PTCD3: variants seen among roughly 807,000 people sequenced by gnomAD.
The protein encoded by PTCD3 is small ribosomal subunit protein mS39.
A neutral mutation model predicts 101.9 loss-of-function variants in PTCD3; 89 were observed. The observed-to-expected ratio is 0.87, with a 90% CI of 0.74 to 1.04. The LOEUF is 1.04. PTCD3 is among the 50% of genes least tolerant of loss of function. The pLI is 0.00. For missense variants in PTCD3, 870 were observed against 828.2 expected, an observed-to-expected ratio of 1.05 and a Z score of -0.62; for synonymous variants, 296 against 278.5, an observed-to-expected ratio of 1.06 and a Z score of -0.63.
chr2:86,136,829 C>T, intron 22 of PTCD3, 153 bp from the exon 23 acceptor site: 2 of 1,062,436 alleles, frequency 1.9e-6, no homozygotes, highest in South Asian at 1.5e-5. Context: ...ACTTTCTAAC[C>T]TCACTGGAAA....
chr2:86,131,162 G>A (rs756423862), intron 16 of PTCD3, 56 bp downstream of exon 16: 4 of 1,355,662 alleles, frequency 3.0e-6, no homozygotes, highest in Admixed American at 2.0e-5. Context: ...ATCTGTAACT[G>A]GAGGGTTCTC....
intron 7 of PTCD3, chr2:86,119,651 C>T (rs1338116483): frequency 6.6e-6 from 1 of 152,380 alleles, no homozygotes; most frequent in Admixed American, 6.5e-5. Flanking sequence ...CCACCGCGCC[C>T]AGCTTTCCTA....
intron 19 of PTCD3, among the ~76,000 whole-genome samples, chr2:86,133,648 G>A (rs1376047829): frequency 2.0e-5 from 3 of 152,198 alleles, no homozygotes; most frequent in Non-Finnish European, 2.9e-5. Context: ...CAGTCCCTTC[G>A]TGACATAGGA....
intron 1 of PTCD3, chr2:86,107,124 T>G (rs1336065565): frequency 4.2e-6 from 2 of 471,062 alleles, no homozygotes; most frequent in Non-Finnish European, 8.8e-6. Context: ...TTAGTTCCCC[T>G]CAAGAAAGAG....
At position 86,123,733 on chromosome 2, in the gene PTCD3, A is replaced by C; in HGVS notation, c.687A>C (p.Lys229Asn). 2 of 1,601,640 alleles carry C rather than the reference A, an allele frequency of 1.2e-6. No homozygotes were observed. Among genetic ancestry groups the C allele is most frequent in the Non-Finnish European group, 1.7e-6 (2 of 1,175,602 alleles). Reference protein sequence around the residue: ...EEENDETSRRKAGHQFGVTWR... With the variant: ...EEENDETSRRNAGHQFGVTWR... Reference sequence around the variant, plus strand: ...AAAATGATGAGACATCTAGGAGGAAAGCTGGTCATCAGTTTGGAGTTACAT... The same window carrying C: ...AAAATGATGAGACATCTAGGAGGAACGCTGGTCATCAGTTTGGAGTTACAT... The change falls in exon 9 of 24, where the codon AAA becomes AAC. Residue 229 changes from lysine to asparagine, a missense_variant. Transcript: ENST00000254630.
intron 14 of PTCD3, among the ~76,000 whole-genome samples, chr2:86,128,825 T>C (rs770097172): frequency 1.6e-4 from 24 of 152,224 alleles, no homozygotes; most frequent in Non-Finnish European, 3.4e-4. Flanking sequence ...ACCTGAGGAA[T>C]AGCAGCAGGG....
chr2:86,112,046 T>TC (rs1229840394), intron 4 of PTCD3: 3,210 of 149,784 alleles, frequency 0.021, 60 homozygotes, highest in Non-Finnish European at 0.033. Context: ...GCCAAACTTT[T>TC]TTTTTTTTTT....
intron 15 of PTCD3, 119 bp from the exon 16 acceptor site, chr2:86,130,959 T>C (rs1237725430): frequency 3.6e-6 from 5 of 1,394,172 alleles, no homozygotes; most frequent in Non-Finnish European, 4.9e-6. Context: ...TAAGTTTTTA[T>C]GTTCTTAGCT....
At chr2:86,127,500 AT>A (rs1674417214) in intron 13 of PTCD3, 195 bp downstream of exon 13, 5 of 594,912 alleles carry the variant, frequency 8.4e-6, no homozygotes, top group Non-Finnish European at 1.4e-5. Context: ...GTTCATTAGT[AT>A]TTTAGGTACT....
At chr2:86,121,384 C>T in intron 7 of PTCD3, 95 bp from the exon 8 acceptor site, 1 of 716,974 alleles carries the variant, frequency 1.4e-6, no homozygotes, top group Non-Finnish European at 2.3e-6. Context: ...CCCTGAAGAC[C>T]ACCGCTAATA....
At chr2:86,106,846 T>TTATAGC (rs1182349034) in intron 1 of PTCD3, among the ~76,000 whole-genome samples, 2 of 152,234 alleles carry the variant, frequency 1.3e-5, no homozygotes, top group Admixed American at 6.5e-5. Flanking sequence ...TCTGTGATAG[T>TTATAGC]TATAGCTTGG....
At chr2:86,136,702 T>G (rs1240194157) in intron 22 of PTCD3, 140 bp downstream of exon 22, 1 of 1,017,414 alleles carries the variant, frequency 9.8e-7, no homozygotes, top group Non-Finnish European at 1.5e-6. Flanking sequence ...ATCCAGGGCA[T>G]CCTGAGGCAA....
intron 19 of PTCD3, 36 bp from the exon 20 acceptor site, chr2:86,134,256 A>C: frequency 6.7e-7 from 1 of 1,490,634 alleles, no homozygotes; most frequent in Non-Finnish European, 9.3e-7. Context: ...GGTTTTACAT[A>C]ACAATGATCA....
At position 86,121,549 on chromosome 2, in the gene PTCD3, C is replaced by T. The variant is rs1674281510; in HGVS notation, c.609C>T (p.Pro203=). Reference sequence around the variant, plus strand: ...TGTGTTACTATGGTGACCAGGAGCCCTCAACTGATTACCATTTTCAACAAA... The same window carrying T: ...TGTGTTACTATGGTGACCAGGAGCCTTCAACTGATTACCATTTTCAACAAA... ...DLLCYYGDQE[P]STDYHFQQTG... The change falls in exon 8 of 24, where the codon CCC becomes CCT. Residue 203 remains proline (P), a synonymous_variant. Coordinates refer to ENST00000254630, the MANE Select transcript of PTCD3 (RefSeq NM_017952.6). 1.2e-6 allele frequency: 2 copies of T among 1,611,328 alleles called. No individual in the cohort carries two copies. The highest frequency in any genetic ancestry group is 8.5e-7 in the Non-Finnish European group (1 of 1,178,834).
chr2:86,106,318 G>A lies in PTCD3; in HGVS notation c.71G>A (p.Arg24Gln), dbSNP rs143556907. Residue 24 changes from arginine (R) to glutamine (Q), a missense_variant, in exon 1 of 24, where the codon CGG (arginine) becomes CAG (glutamine). Arg to Gln is a conservative substitution (Grantham distance 43). Coordinates refer to ENST00000254630, the MANE Select transcript of PTCD3 (RefSeq NM_017952.6). ...SRLGQPLTGR[R>Q]AGLCEQARSC... ...CTTGGCCAGCCGCTGACGGGTCGGC[G>A]GGCGGGTTTGTGTGAACAGGCACGC... The A allele has an allele frequency of 4.6e-4, 744 of 1,614,068 alleles. No individual in the cohort carries two copies. The highest frequency in any genetic ancestry group is 6.0e-4 in the Non-Finnish European group (703 of 1,180,008).
At chr2:86,127,490 G>C in intron 13 of PTCD3, 185 bp downstream of exon 13, 1 of 628,852 alleles carries the variant, frequency 1.6e-6, no homozygotes, top group Non-Finnish European at 2.6e-6. Flanking sequence ...TCATCTTAGT[G>C]TTCATTAGTA....
At chr2:86,112,681 C>CAAAA (rs397953846) in intron 4 of PTCD3, among the ~76,000 whole-genome samples, 33 of 81,260 alleles carry the variant, frequency 4.1e-4, no homozygotes, top group Non-Finnish European at 7.5e-4. Context: ...GACTCTGTCT[C>CAAAA]AAAAAAAAAA....
intron 1 of PTCD3, among the ~76,000 whole-genome samples, chr2:86,106,702 G>A (rs1421981751): frequency 2.0e-5 from 3 of 152,182 alleles, no homozygotes; most frequent in Non-Finnish European, 2.9e-5. Context: ...CAATCAGGAG[G>A]AGCGAGGAGA....
chr2:86,130,362 C>G (rs959832467), intron 14 of PTCD3, among the ~76,000 whole-genome samples: 14 of 152,076 alleles, frequency 9.2e-5, no homozygotes, highest in Non-Finnish European at 1.5e-5. Context: ...GTGTTACTGT[C>G]TGCCGCCTAC....
Sources: gnomAD v4.1 joint callset for allele counts (sites outside exome capture counted in the v4.1 genomes callset) on GRCh38, gnomAD v4.1.1 for gene constraint, MANE v1.5 for transcripts, NCBI Gene and HGNC (gene_info 2026-07-23, HGNC 2026-07-21) for gene names.